TSC2: variants seen among roughly 807,000 people sequenced by gnomAD.
The protein encoded by TSC2 is TSC complex subunit 2.
A neutral mutation model predicts 202.2 loss-of-function variants in TSC2; 29 were observed. The observed-to-expected ratio is 0.14, with a 90% CI of 0.11 to 0.20. The LOEUF (loss-of-function observed/expected upper bound fraction) is 0.20, where lower values mean the gene tolerates loss of function less well. Among genes scored for constraint, TSC2 ranks in the 10% least tolerant of loss-of-function variants. The probability of loss-of-function intolerance (pLI) is 1.00; values close to 1 mark genes in which losing one functional copy is unlikely to be tolerated. For synonymous variants in TSC2, 1,349 were observed against 1,044.0 expected (o/e 1.29, Z -5.63); for missense variants, 2,429 against 2,420.0 (o/e 1.00, Z -0.08).
intron 11 of TSC2, 153 bp downstream of exon 11, chr16:2,060,966 C>A: frequency 1.0e-6 from 1 of 980,872 alleles, no homozygotes; most frequent in Non-Finnish European, 1.5e-6. Flanking sequence ...CGCTCATCCA[C>A]CTTCCACCGG....
Position 2,087,981 on chromosome 16 carries a change from G to A in TSC2, c.5068+40G>A, listed in dbSNP as rs185211341. ...GGCCCTGCAGTGCAGGAAAGGTAGG[G>A]CCGGGTGGGGCCCTGCAGTGTGGCG... is the stretch of plus-strand genomic sequence containing the variant. On this transcript the variant is annotated intron_variant, in intron 39 of 41. Coordinates refer to ENST00000219476, the MANE Select transcript of TSC2 (RefSeq NM_000548.5). 845 of 1,611,198 alleles carry A rather than the reference G, an allele frequency of 5.2e-4. 8 individuals are homozygous for A. The Admixed American group carries it at 0.011, about 21-fold the overall frequency.
At chr16:2,048,197 C>T in intron 1 of TSC2, 132 bp downstream of exon 1, 24 of 1,532,160 alleles carry the variant, frequency 1.6e-5, no homozygotes, top group Non-Finnish European at 2.0e-5. Flanking sequence ...CTCCGAGCAT[C>T]CCTTAGTTTT....
At position 2,077,864 on chromosome 16, in the gene TSC2, C is replaced by T. The variant is rs1452009473; in HGVS notation, c.2966+138C>T. 15 of 1,456,220 alleles carry T rather than the reference C, an allele frequency of 1.0e-5. No homozygotes were observed. In the East Asian group the frequency reaches 1.4e-4, roughly 14 times the overall value. 90.2% of individuals were successfully genotyped at this position (1,456,220 alleles called of 1,614,324 possible). Reference sequence around the variant, plus strand: ...TGGCCAGCCCAGGGGGAGCCGGTGACGAGGGGTGGAAAGGTTGCATTCTGT... The same window carrying T: ...TGGCCAGCCCAGGGGGAGCCGGTGATGAGGGGTGGAAAGGTTGCATTCTGT... On this transcript the variant is annotated intron_variant, in intron 26 of 41. Coordinates refer to ENST00000219476, the MANE Select transcript of TSC2 (RefSeq NM_000548.5).
chr16:2,050,578 T>C (rs1230154782), intron 3 of TSC2, 92 bp downstream of exon 3: 30 of 931,204 alleles, frequency 3.2e-5, no homozygotes, highest in Non-Finnish European at 6.9e-6. Flanking sequence ...GACAGCTGAC[T>C]GCCGATGATC....
rs1596350666 is a variant in TSC2, at chr16:2,072,980, A to G, written c.2352A>G (p.Lys784=). 1 of 1,613,430 alleles carries G rather than the reference A, an allele frequency of 6.2e-7. No individual in the cohort carries two copies. The highest frequency in any genetic ancestry group is 8.5e-7 in the Non-Finnish European group (1 of 1,180,006). ...ISYHNYLDKT[K]QREMVYCLEQ... Reference sequence around the variant, plus strand: ...ACCATAACTACCTGGACAAAACCAAACAGGTAGGAGGTCAGAGCAGGACAG... The same window carrying G: ...ACCATAACTACCTGGACAAAACCAAGCAGGTAGGAGGTCAGAGCAGGACAG... The change falls in exon 21 of 42, where the codon AAA becomes AAG. Residue 784 remains lysine, a synonymous_variant. Coordinates refer to ENST00000219476, the MANE Select transcript of TSC2 (RefSeq NM_000548.5).
At position 2,085,282 on chromosome 16, in the gene TSC2, A is replaced by G. The variant is rs1419056951; in HGVS notation, c.4622A>G (p.Asp1541Gly). Residue 1541 changes from aspartate to glycine, a missense_variant, in exon 36 of 42, where the codon GAC becomes GGC. Transcript: ENST00000219476. Reference protein sequence around the residue: ...VQLLDQIPSYDTHKIAVLYVG... With the variant: ...VQLLDQIPSYGTHKIAVLYVG... ...CTCCTCGACCAGATCCCATCATACGACACCCACAAGATCGCCGTCCTGTAT... is the reference window on the plus strand; with the variant it reads ...CTCCTCGACCAGATCCCATCATACGGCACCCACAAGATCGCCGTCCTGTAT... The G allele has an allele frequency of 6.2e-7, 1 of 1,612,544 alleles. No homozygotes were observed. The highest frequency in any genetic ancestry group is 8.5e-7 in the Non-Finnish European group (1 of 1,179,928).
chr16:2,056,116 A>G (rs770102392), intron 6 of TSC2, 80 bp from the exon 7 acceptor site: 17 of 1,586,266 alleles, frequency 1.1e-5, no homozygotes, highest in Non-Finnish European at 1.5e-5. Flanking sequence ...TATTGACGTC[A>G]TAGAGTGACT....
chr16:2,068,114 A>T (rs1170111643), intron 16 of TSC2, among the ~76,000 whole-genome samples: 1 of 152,116 alleles, frequency 6.6e-6, no homozygotes, highest in Admixed American at 6.5e-5. Context: ...ATCTCACCTC[A>T]CTGCAACCTC....
intron 10 of TSC2, among the ~76,000 whole-genome samples, chr16:2,059,279 A>C (rs1448192167): frequency 6.6e-6 from 1 of 150,766 alleles, no homozygotes; most frequent in East Asian, 1.9e-4. Context: ...CAGACTCCCA[A>C]AGTGCTAGGA....
chr16:2,055,172 CTG>C (rs1464375780), intron 5 of TSC2: 1 of 614,970 alleles, frequency 1.6e-6, no homozygotes, highest in African/African-American at 1.8e-5. Flanking sequence ...CACAGACCCT[CTG>C]TGCAGCCCCA....
At chr16:2,072,657 T>C (rs749453129) in intron 20 of TSC2, 192 bp from the exon 21 acceptor site, 136 of 938,230 alleles carry the variant, frequency 1.4e-4, no homozygotes, top group Non-Finnish European at 2.0e-4. Context: ...TCACCTCACA[T>C]TCCTGGTGTG....
rs180811978 is a variant in TSC2, at chr16:2,078,957, C to G, written c.2967-75C>G. ...GGTCCTCAGCCGTGCATGCGTTGAGCTTTGGCCCTTGGTGATAGGTGGCTC... is the reference window on the plus strand; with the variant it reads ...GGTCCTCAGCCGTGCATGCGTTGAGGTTTGGCCCTTGGTGATAGGTGGCTC... On this transcript the variant is annotated intron_variant, in intron 26 of 41. Transcript: ENST00000219476. 10 of 1,597,184 alleles carry G rather than the reference C, an allele frequency of 6.3e-6. No homozygotes were observed. In the East Asian group the frequency reaches 6.7e-5, roughly 11 times the overall value.
chr16:2,064,040 C>T lies in TSC2; in HGVS notation c.1444-232C>T, dbSNP rs4335770. 1,501 of 624,910 alleles carry T rather than the reference C, an allele frequency of 2.4e-3. 17 individuals carry two copies. Among genetic ancestry groups the T allele is most frequent in the African/African-American group, 0.024 (1,314 of 54,830 alleles). 38.7% of individuals were successfully genotyped at this position (624,910 alleles called of 1,614,324 possible). ...TTGTGGGCCCCGTGTCTGTGCCCGG[C>T]CGCCCTGCGGTGCTCACCAGCCTTC... On this transcript the variant is annotated intron_variant, in intron 14 of 41. Coordinates refer to ENST00000219476, the MANE Select transcript of TSC2 (RefSeq NM_000548.5).
Position 2,048,741 on chromosome 16 carries a change from G to A in TSC2, c.126G>A (p.Ala42=), listed in dbSNP as rs886043548. The A allele has an allele frequency of 1.2e-6, 2 of 1,614,036 alleles. No individual in the cohort carries two copies. The highest frequency in any genetic ancestry group is 2.7e-5 in the African/African-American group (2 of 75,040). The change falls in exon 2 of 42, where the codon GCG becomes GCA. Residue 42 remains alanine, a synonymous_variant. Transcript: ENST00000219476. ...EGKQTEFIIT[A]EILRELSMEC... Reference sequence around the variant, plus strand: ...AACAGACGGAGTTTATCATCACCGCGGAAATACTGAGAGTGAGTGAGCTAC... The same window carrying A: ...AACAGACGGAGTTTATCATCACCGCAGAAATACTGAGAGTGAGTGAGCTAC...
intron 11 of TSC2, 82 bp from the exon 12 acceptor site, chr16:2,061,789 G>A (rs2086667478): frequency 8.7e-6 from 14 of 1,609,012 alleles, no homozygotes; most frequent in African/African-American, 2.7e-5. Context: ...GTCTCCATGC[G>A]GTGGGTGTGT....
rs2151077923 is a variant in TSC2 at position 2,056,659 on chromosome 16, C to G, written c.664C>G (p.Leu222Val). 6.2e-7 allele frequency: 1 copy of G among 1,611,502 alleles called. No individual in the cohort carries two copies. Among genetic ancestry groups the G allele is most frequent in the Non-Finnish European group, 8.5e-7 (1 of 1,180,020 alleles). The part of the protein sequence containing the change: ...SVDIEVSLQV[L>V]DAVVCYNCLP... Reference sequence around the variant, plus strand: ...TCTCCACCAGGTCTCCCTGCAGGTGCTGGACGCCGTGGTCTGCTACAACTG... The same window carrying G: ...TCTCCACCAGGTCTCCCTGCAGGTGGTGGACGCCGTGGTCTGCTACAACTG... Residue 222 changes from leucine to valine, a missense_variant, in exon 8 of 42, where the codon CTG becomes GTG. Coordinates refer to ENST00000219476, the MANE Select transcript of TSC2 (RefSeq NM_000548.5).
intron 11 of TSC2, chr16:2,061,620 C>T (rs2086644619): frequency 3.5e-6 from 2 of 564,006 alleles, no homozygotes; most frequent in Admixed American, 2.8e-5. Context: ...GCCACTGTGG[C>T]CCCTTGAGAG....
At chr16:2,051,223 G>A (rs1284813055) in intron 3 of TSC2, among the ~76,000 whole-genome samples, 1 of 151,890 alleles carries the variant, frequency 6.6e-6, no homozygotes, top group Admixed American at 6.6e-5. Flanking sequence ...GGGAGGCTGA[G>A]GCAGGAGAAT....
chr16:2,081,895 A>G, intron 31 of TSC2, 97 bp downstream of exon 31: 1 of 1,506,174 alleles, frequency 6.6e-7, no homozygotes, highest in Non-Finnish European at 9.0e-7. Context: ...GGGCGCCCAC[A>G]CGGCTGGGAG....
Sources: allele counts gnomAD v4.1 joint callset (sites outside exome capture counted in the v4.1 genomes callset), GRCh38; gene constraint gnomAD v4.1.1; transcripts MANE v1.5; gene names NCBI Gene and HGNC (gene_info 2026-07-23, HGNC 2026-07-21).